RORA: variants seen among roughly 807,000 people sequenced by gnomAD.
RORA encodes nuclear receptor ROR-alpha.
In RORA, 7 loss-of-function variants were observed where a neutral mutation model predicts 69.5. The ratio of observed to expected loss-of-function variants is 0.10; its 90% CI spans 0.06 to 0.19. The LOEUF (loss-of-function observed/expected upper bound fraction) is 0.19. Among genes scored for constraint, RORA ranks in the 10% least tolerant of loss-of-function variants. The pLI is 1.00. For missense variants in RORA, 457 were observed against 663.0 expected (o/e 0.69, Z 3.41); for synonymous variants, 261 against 240.8 (o/e 1.08, Z -0.78).
chr15:61,153,717 T>C (rs1567013937), intron 1 of RORA, among the ~76,000 whole-genome samples: 1 of 152,234 alleles, frequency 6.6e-6, no homozygotes, highest in Non-Finnish European at 1.5e-5. Flanking sequence ...CTCTTCTCTA[T>C]TGCTACATGC....
chr15:61,100,736 C>T (rs1595986838), intron 1 of RORA, among the ~76,000 whole-genome samples: 1 of 152,332 alleles, frequency 6.6e-6, no homozygotes, highest in East Asian at 1.9e-4. Context: ...TTATCTATCA[C>T]CAGCACATGC....
intron 1 of RORA, among the ~76,000 whole-genome samples, chr15:61,062,350 C>G (rs563975916): frequency 4.5e-4 from 69 of 152,328 alleles, no homozygotes; most frequent in African/African-American, 1.6e-3. Context: ...CCTCAGCCAC[C>G]CTCTACTCTC....
intron 1 of RORA, among the ~76,000 whole-genome samples, chr15:60,880,003 T>A (rs1206314916): frequency 6.6e-6 from 1 of 152,196 alleles, no homozygotes; most frequent in African/African-American, 2.4e-5. Flanking sequence ...CCTGTAAGCA[T>A]GCTTTGAAGA....
At chr15:60,659,034 G>A (rs192159128) in intron 2 of RORA, among the ~76,000 whole-genome samples, 5 of 152,276 alleles carry the variant, frequency 3.3e-5, no homozygotes, top group Admixed American at 2.0e-4. Context: ...CCGCAAACCT[G>A]CTGCAGAGCA....
intron 1 of RORA, among the ~76,000 whole-genome samples, chr15:61,054,340 A>G (rs1481143638): frequency 1.3e-5 from 2 of 151,872 alleles, no homozygotes; most frequent in African/African-American, 4.8e-5. Flanking sequence ...ATGTTCTCCC[A>G]TAGATGCAAC....
chr15:60,856,094 C>T (rs548443668), intron 1 of RORA, among the ~76,000 whole-genome samples: 1 of 152,132 alleles, frequency 6.6e-6, no homozygotes, highest in Admixed American at 6.5e-5. Flanking sequence ...AATATGGTGG[C>T]CCTGCTGATC....
At chr15:60,852,646 A>G (rs78604138) in intron 1 of RORA, among the ~76,000 whole-genome samples, 1,798 of 152,340 alleles carry the variant, frequency 0.012, 23 homozygotes, top group Non-Finnish European at 0.019. Flanking sequence ...GCAAATAATA[A>G]AGAACTAAGT....
At chr15:60,936,882 C>G (rs984835201) in intron 1 of RORA, among the ~76,000 whole-genome samples, 1 of 152,162 alleles carries the variant, frequency 6.6e-6, no homozygotes, top group Non-Finnish European at 1.5e-5. Flanking sequence ...AATCAAACCA[C>G]TTCAAGAAGG....
At chr15:60,970,761 C>T (rs749137431) in intron 1 of RORA, among the ~76,000 whole-genome samples, 8 of 152,250 alleles carry the variant, frequency 5.3e-5, no homozygotes, top group Non-Finnish European at 1.0e-4. Flanking sequence ...CAAACTAATA[C>T]GGTTGTGTAT....
At chr15:60,769,427 C>G (rs1431511951) in intron 1 of RORA, among the ~76,000 whole-genome samples, 3 of 152,014 alleles carry the variant, frequency 2.0e-5, no homozygotes, top group Non-Finnish European at 4.4e-5. Flanking sequence ...CAAAAAAAAC[C>G]CATTTGGTTG....
chr15:61,116,879 T>A lies in RORA; in HGVS notation c.166+112174A>T, dbSNP rs920227. Among the ~76,000 whole-genome samples, 773 of 152,296 alleles carry A rather than the reference T, an allele frequency of 5.1e-3. 5 individuals are homozygous for A. The highest frequency in any genetic ancestry group is 0.017 in the African/African-American group (715 of 41,562). On this transcript the variant is annotated intron_variant, in intron 1 of 10. Transcript: ENST00000335670. ...CTCGTGTGATCAGTGCTTCTAAAATTGCAATGTGTCCAGGTGGGGAAGTTC... is the reference window on the plus strand; with the variant it reads ...CTCGTGTGATCAGTGCTTCTAAAATAGCAATGTGTCCAGGTGGGGAAGTTC...
At chr15:61,219,446 G>C (rs1010087900) in intron 1 of RORA, among the ~76,000 whole-genome samples, 1 of 152,172 alleles carries the variant, frequency 6.6e-6, no homozygotes, top group Non-Finnish European at 1.5e-5. Flanking sequence ...GCGGTGGCTG[G>C]CGCCTATTGT....
intron 1 of RORA, among the ~76,000 whole-genome samples, chr15:61,207,082 G>GTGTA (rs1555420387): frequency 1.3e-5 from 2 of 151,508 alleles, no homozygotes; most frequent in Non-Finnish European, 2.9e-5. Context: ...ATACGTGTGT[G>GTGTA]TATATATATA....
At chr15:60,687,748 C>T (rs530883713) in intron 1 of RORA, among the ~76,000 whole-genome samples, 40 of 152,270 alleles carry the variant, frequency 2.6e-4, no homozygotes, top group African/African-American at 7.9e-4. Context: ...AATGAGACTC[C>T]GTCTCCAAAA....
intron 1 of RORA, among the ~76,000 whole-genome samples, chr15:60,910,454 G>C (rs1891672804): frequency 6.6e-6 from 1 of 152,196 alleles, no homozygotes; most frequent in Non-Finnish European, 1.5e-5. Flanking sequence ...TTATTTGGAA[G>C]ATCAAGTAAA....
chr15:60,994,858 C>A (rs1894483959), intron 1 of RORA, among the ~76,000 whole-genome samples: 1 of 152,146 alleles, frequency 6.6e-6, no homozygotes, highest in South Asian at 2.1e-4. Context: ...CTTTACCAAC[C>A]TTTTGAAGAC....
chr15:61,178,974 G>A (rs980058676), intron 1 of RORA, among the ~76,000 whole-genome samples: 2 of 152,158 alleles, frequency 1.3e-5, no homozygotes, highest in African/African-American at 4.8e-5. Flanking sequence ...TTGGTACAAA[G>A]AAAATCTAAA....
chr15:61,227,210 C>A (rs146853800), intron 1 of RORA, among the ~76,000 whole-genome samples: 297 of 123,804 alleles, frequency 2.4e-3, no homozygotes, highest in Non-Finnish European at 2.9e-3. Flanking sequence ...CCCCCCATTC[C>A]AAAAAAAAAA....
chr15:61,129,814 A>C (rs1474258762), intron 1 of RORA, among the ~76,000 whole-genome samples: 1 of 152,214 alleles, frequency 6.6e-6, no homozygotes, highest in Non-Finnish European at 1.5e-5. Flanking sequence ...CCTGCAACTG[A>C]AAGAGATGCA....
Sources: allele counts gnomAD v4.1 joint callset (sites outside exome capture counted in the v4.1 genomes callset), GRCh38; gene constraint gnomAD v4.1.1; transcripts MANE v1.5; gene names NCBI Gene and HGNC (gene_info 2026-07-23, HGNC 2026-07-21).